The following ACACB variants were observed in gnomAD, a reference collection of about 807,000 sequenced individuals.
The protein encoded by ACACB is acetyl-CoA carboxylase 2.
ACACB carries 209 observed loss-of-function variants against 278.8 expected under a neutral mutation model. The observed-to-expected ratio is 0.75, with a 90% CI of 0.67 to 0.84. ACACB has a LOEUF of 0.84. Ranked by LOEUF, ACACB falls within the 40% of genes least tolerant of loss-of-function variation. The pLI is 0.00. For synonymous variants in ACACB, 1,174 were observed against 1,285.6 expected, an observed-to-expected ratio of 0.91 and a Z score of 1.86; for missense variants, 2,850 against 3,269.0, an observed-to-expected ratio of 0.87 and a Z score of 3.13.
intron 3 of ACACB, 137 bp from the exon 4 acceptor site, chr12:109,167,759 C>T (rs571870535): frequency 2.3e-6 from 3 of 1,323,166 alleles, no homozygotes; most frequent in African/African-American, 2.9e-5. Flanking sequence ...CATGGAAATA[C>T]ATAGAAATAC....
intron 4 of ACACB, among the ~76,000 whole-genome samples, chr12:109,170,568 C>T (rs1202760567): frequency 6.6e-6 from 1 of 152,106 alleles, no homozygotes; most frequent in Non-Finnish European, 1.5e-5. Context: ...ACAAATACTG[C>T]ATGATTCCAT....
Position 109,216,837 on chromosome 12 carries a change from A to G in ACACB, c.3481A>G (p.Lys1161Glu). The G allele has an allele frequency of 6.2e-7, 1 of 1,614,158 alleles. No individual in the cohort carries two copies. Among genetic ancestry groups the G allele is most frequent in the Middle Eastern group, 1.7e-4 (1 of 6,052 alleles). Residue 1161 changes from lysine to glutamate, a missense_variant, in exon 24 of 53, where the codon AAG (lysine) becomes GAG (glutamate). Coordinates refer to ENST00000338432, the MANE Select transcript of ACACB (RefSeq NM_001093.4). ...KCVINLREQFKPDMSQVLDCI... is the reference protein window; with the variant it reads ...KCVINLREQFEPDMSQVLDCI... ...TGTGATAAACCTCAGGGAGCAGTTC[A>G]AGCCAGACATGTCCCAGGTGCTGGA...
intron 1 of ACACB, among the ~76,000 whole-genome samples, chr12:109,126,408 C>G (rs1292787224): frequency 6.6e-6 from 1 of 152,168 alleles, no homozygotes; most frequent in Non-Finnish European, 1.5e-5. Flanking sequence ...CTGAACCAGG[C>G]ATGGTGGCTT....
In ACACB at chr12:109,216,651, A is replaced by G. The variant is rs927820916; in HGVS notation, c.3384A>G (p.Thr1128=). 19 of 1,614,216 alleles carry G rather than the reference A, an allele frequency of 1.2e-5. No homozygotes were observed. Among genetic ancestry groups the G allele is most frequent in the Non-Finnish European group, 1.5e-5 (18 of 1,180,020 alleles). ...GCGGGATCCGCGGCTATATGAAAAC[A>G]GTGGTGTTGGATCTCCTGAGAAGAT... ...YRSGIRGYMK[T]VVLDLLRRYL... Residue 1128 remains threonine (T), a synonymous_variant, in exon 23 of 53, where the codon ACA becomes ACG. Coordinates refer to ENST00000338432, the MANE Select transcript of ACACB (RefSeq NM_001093.4).
chr12:109,194,610 CTGTGTGTGTGTGTGTGTGTGTGTG>C (rs144545047), intron 16 of ACACB, among the ~76,000 whole-genome samples: 1 of 95,318 alleles, frequency 1.0e-5, no homozygotes, highest in South Asian at 3.3e-4. Flanking sequence ...GCCTCTGCCT[CTGTGTGTGTGTGTGTGTGTGTGTG>C]TGTGTGTGTG....
chr12:109,221,524 G>A (rs1299396766), intron 24 of ACACB, among the ~76,000 whole-genome samples: 2 of 152,176 alleles, frequency 1.3e-5, no homozygotes, highest in African/African-American at 4.8e-5. Context: ...TTCAGAAGCA[G>A]AGAGGAGGGA....
At chr12:109,264,041 G>T in intron 49 of ACACB, 191 bp from the exon 50 acceptor site, 1 of 655,292 alleles carries the variant, frequency 1.5e-6, no homozygotes, top group East Asian at 2.7e-5. Context: ...TGGACTCTGG[G>T]GGACCTAGGG....
At chr12:109,123,365 T>G (rs753914725) in intron 1 of ACACB, among the ~76,000 whole-genome samples, 11 of 151,696 alleles carry the variant, frequency 7.3e-5, no homozygotes, top group Admixed American at 2.0e-4. Flanking sequence ...CCAGAGTTTT[T>G]TTTGTTTGTT....
intron 19 of ACACB, among the ~76,000 whole-genome samples, chr12:109,203,661 G>A (rs575328085): frequency 2.0e-5 from 3 of 152,330 alleles, no homozygotes; most frequent in African/African-American, 4.8e-5. Context: ...TGCCGGGGGC[G>A]TCCCCCTGTC....
chr12:109,171,541 A>C (rs2044115566), intron 4 of ACACB, among the ~76,000 whole-genome samples: 2 of 151,196 alleles, frequency 1.3e-5, no homozygotes, highest in African/African-American at 4.9e-5. Flanking sequence ...GTAGAGACAG[A>C]ATTTCACCAT....
chr12:109,188,469 CCTT>C (rs1189638723), intron 13 of ACACB, among the ~76,000 whole-genome samples: 1 of 145,046 alleles, frequency 6.9e-6, no homozygotes, highest in East Asian at 2.1e-4. Context: ...CTCCCTCCTT[CCTT>C]CTTTTCCTGA....
chr12:109,179,999 ACTT>A lies in ACACB; in HGVS notation c.1734_1736del (p.Phe578del). On this transcript the variant is annotated inframe_deletion, in exon 11 of 53. Coordinates refer to ENST00000338432, the MANE Select transcript of ACACB (RefSeq NM_001093.4). ...CTCTATAGTCAGGATGGCAGCTTCCACTTCTTGGAGCTGAATCCTCGCTTGCAG... is the reference window on the plus strand; with the variant it reads ...CTCTATAGTCAGGATGGCAGCTTCCACTTGGAGCTGAATCCTCGCTTGCAG... 1 of 1,613,866 alleles carries A rather than the reference ACTT, an allele frequency of 6.2e-7. No homozygotes were observed. Among genetic ancestry groups the A allele is most frequent in the Non-Finnish European group, 8.5e-7 (1 of 1,180,028 alleles).
chr12:109,192,055 T>C, intron 15 of ACACB, 105 bp downstream of exon 15: 1 of 1,183,416 alleles, frequency 8.5e-7, no homozygotes, highest in Non-Finnish European at 1.2e-6. Flanking sequence ...ACCAGGCAAT[T>C]GGTGAGTCTC....
At chr12:109,174,274 G>A (rs1202076121) in intron 7 of ACACB, 44 bp downstream of exon 7, 1 of 1,494,146 alleles carries the variant, frequency 6.7e-7, no homozygotes, top group Non-Finnish European at 9.2e-7. Flanking sequence ...TCTCAGCCCA[G>A]TCTTGATAAT....
chr12:109,246,218 G>C lies in ACACB; in HGVS notation c.5341G>C (p.Glu1781Gln). 6.2e-7 allele frequency: 1 copy of C among 1,613,732 alleles called. No homozygotes were observed. The highest frequency in any genetic ancestry group is 1.1e-5 in the South Asian group (1 of 91,012). Residue 1781 changes from glutamate (E) to glutamine (Q), a missense_variant, in exon 39 of 53, where the codon GAG becomes CAG. Transcript: ENST00000338432. ...CTTCAAAATGAGGTTTAAGACCCAG[G>C]AGTACCCGGAAGGACGGGATGTGAT... Reference protein sequence around the residue: ...VAFKMRFKTQEYPEGRDVIVI... With the variant: ...VAFKMRFKTQQYPEGRDVIVI...
intron 46 of ACACB, 47 bp from the exon 47 acceptor site, chr12:109,258,926 G>A: frequency 6.2e-7 from 1 of 1,608,090 alleles, no homozygotes; most frequent in Non-Finnish European, 8.5e-7. Context: ...TCTGTCCTGG[G>A]TTGTGGTTGT....
At chr12:109,252,402 G>T in intron 42 of ACACB, 1 of 337,050 alleles carries the variant, frequency 3.0e-6, no homozygotes, top group Non-Finnish European at 5.3e-6. Flanking sequence ...TTATTGAAGT[G>T]CCATTACACA....
At chr12:109,196,228 G>T (rs1424156166) in intron 16 of ACACB, among the ~76,000 whole-genome samples, 1 of 152,154 alleles carries the variant, frequency 6.6e-6, no homozygotes, top group Non-Finnish European at 1.5e-5. Flanking sequence ...CAAAGCTCTT[G>T]TGTGCTCCTG....
intron 9 of ACACB, 145 bp from the exon 10 acceptor site, chr12:109,178,943 C>A: frequency 2.5e-6 from 2 of 787,884 alleles, no homozygotes; most frequent in South Asian, 1.7e-5. Context: ...GTCTGTGAGA[C>A]AACAAAAGTA....
Sources: gnomAD v4.1 joint callset for allele counts (sites outside exome capture counted in the v4.1 genomes callset) on GRCh38, gnomAD v4.1.1 for gene constraint, MANE v1.5 for transcripts, NCBI Gene and HGNC (gene_info 2026-07-23, HGNC 2026-07-21) for gene names.